NELL1: variants seen among roughly 807,000 people sequenced by gnomAD.
NELL1 encodes protein kinase C-binding protein NELL1.
A neutral mutation model predicts 107.4 loss-of-function variants in NELL1; 76 were observed. The observed-to-expected ratio is 0.71, with a 90% CI of 0.59 to 0.86. NELL1 has a LOEUF of 0.86. Among genes scored for constraint, NELL1 ranks in the 40% least tolerant of loss-of-function variants. NELL1 has a pLI of 0.00. For synonymous variants in NELL1, 353 were observed against 341.2 expected, an observed-to-expected ratio of 1.03 and a Z score of -0.38; for missense variants, 1,024 against 1,005.5, an observed-to-expected ratio of 1.02 and a Z score of -0.25.
chr11:20,789,290 G>A (rs1269453948), intron 3 of NELL1, among the ~76,000 whole-genome samples: 3 of 152,194 alleles, frequency 2.0e-5, no homozygotes, highest in African/African-American at 7.2e-5. Flanking sequence ...AAGGGGTCTG[G>A]CCCCTGCACA....
chr11:21,425,870 G>C (rs1564888049), intron 15 of NELL1, among the ~76,000 whole-genome samples: 1 of 152,126 alleles, frequency 6.6e-6, no homozygotes, highest in Non-Finnish European at 1.5e-5. Context: ...TTCCAAACAA[G>C]GGAGACAATA....
At chr11:20,956,793 A>G (rs1395967556) in intron 11 of NELL1, among the ~76,000 whole-genome samples, 1 of 152,226 alleles carries the variant, frequency 6.6e-6, no homozygotes, top group African/African-American at 2.4e-5. Flanking sequence ...CTGTGAGAAC[A>G]CAGTATGTGA....
intron 15 of NELL1, among the ~76,000 whole-genome samples, chr11:21,377,570 A>G (rs1851509283): frequency 6.6e-6 from 1 of 152,058 alleles, no homozygotes; most frequent in Non-Finnish European, 1.5e-5. Flanking sequence ...AGAATGAGTT[A>G]GGGAAGAGTC....
intron 3 of NELL1, among the ~76,000 whole-genome samples, chr11:20,809,452 A>C (rs1288163250): frequency 6.6e-6 from 1 of 152,202 alleles, no homozygotes; most frequent in Non-Finnish European, 1.5e-5. Flanking sequence ...CAACTATAAA[A>C]TAGAACACCG....
intron 15 of NELL1, among the ~76,000 whole-genome samples, chr11:21,435,718 G>T (rs1853096135): frequency 6.6e-6 from 1 of 151,680 alleles, no homozygotes; most frequent in African/African-American, 2.4e-5. Flanking sequence ...TGCTGGGTTT[G>T]GTTTGCTAGT....
rs116120498 is a variant in NELL1 at position 21,464,166 on chromosome 11, G to A, written c.1646-70208G>A. Among the ~76,000 whole-genome samples, 1,025 of 151,980 alleles carry A rather than the reference G, an allele frequency of 6.7e-3. 16 individuals carry two copies. The highest frequency in any genetic ancestry group is 0.024 in the African/African-American group (975 of 41,460). On this transcript the variant is annotated intron_variant, in intron 15 of 19. Coordinates refer to ENST00000357134, the MANE Select transcript of NELL1 (RefSeq NM_006157.5). ...TACTCACTTCTAACCATATTTAAAC[G>A]GTCAATGTGGTCACAGCCTGCCCAG... is the stretch of plus-strand genomic sequence containing the variant.
At chr11:21,028,263 C>T (rs1416829261) in intron 12 of NELL1, among the ~76,000 whole-genome samples, 1 of 152,058 alleles carries the variant, frequency 6.6e-6, no homozygotes, top group Admixed American at 6.6e-5. Context: ...TATTTTAATG[C>T]TCTCCCGGTG....
intron 12 of NELL1, among the ~76,000 whole-genome samples, chr11:20,994,412 G>C (rs1852044977): frequency 1.3e-5 from 2 of 152,166 alleles, no homozygotes; most frequent in Admixed American, 1.3e-4. Context: ...GCTCACAATA[G>C]CATGCCAATT....
At chr11:20,947,538 C>A in intron 11 of NELL1, 103 bp downstream of exon 11, 2 of 806,970 alleles carry the variant, frequency 2.5e-6, no homozygotes, top group Admixed American at 2.0e-5. Flanking sequence ...GGGTCCAAAA[C>A]TCTGTGCGCT....
chr11:20,854,030 C>T (rs1258559078), intron 4 of NELL1, among the ~76,000 whole-genome samples: 1 of 152,148 alleles, frequency 6.6e-6, no homozygotes, highest in African/African-American at 2.4e-5. Context: ...CCCCACCACT[C>T]ATGAGGCAAA....
At chr11:20,776,546 G>C (rs1856754995) in intron 2 of NELL1, among the ~76,000 whole-genome samples, 2 of 152,018 alleles carry the variant, frequency 1.3e-5, no homozygotes, top group Non-Finnish European at 2.9e-5. Context: ...TCTGACAATT[G>C]TGATAAGTAC....
At chr11:20,801,789 C>T (rs1857285675) in intron 3 of NELL1, among the ~76,000 whole-genome samples, 1 of 152,204 alleles carries the variant, frequency 6.6e-6, no homozygotes, top group East Asian at 1.9e-4. Context: ...TTTCATTCTT[C>T]TGCATCTGCT....
At chr11:21,394,114 A>G (rs990030392) in intron 15 of NELL1, among the ~76,000 whole-genome samples, 5 of 151,624 alleles carry the variant, frequency 3.3e-5, no homozygotes, top group Admixed American at 2.0e-4. Flanking sequence ...GGATGGCTCC[A>G]AGTACTTCAC....
At chr11:20,992,771 A>C (rs182364946) in intron 12 of NELL1, among the ~76,000 whole-genome samples, 1 of 140,888 alleles carries the variant, frequency 7.1e-6, no homozygotes, top group African/African-American at 2.6e-5. Context: ...CTGGAGTGCA[A>C]TGGTGCGATC....
chr11:21,254,895 C>T (rs937740188), intron 14 of NELL1, among the ~76,000 whole-genome samples: 3 of 152,046 alleles, frequency 2.0e-5, no homozygotes, highest in Non-Finnish European at 4.4e-5. Flanking sequence ...GCTGAGCAAG[C>T]CCCACAGCCT....
At chr11:20,943,987 G>C (rs1401691680) in intron 10 of NELL1, among the ~76,000 whole-genome samples, 1 of 152,190 alleles carries the variant, frequency 6.6e-6, no homozygotes, top group Non-Finnish European at 1.5e-5. Context: ...TGTCAGCAGA[G>C]AGTGAGGGTA....
rs577756417 is a variant in NELL1 at position 20,977,485 on chromosome 11, C to T, written c.1300+16925C>T. On this transcript the variant is annotated intron_variant, in intron 12 of 19. Transcript: ENST00000357134. ...TTCACCATGTTAGCCAGGATGGTCTCGATCTCCTGACCTCATGATCCACTC... is the reference window on the plus strand; with the variant it reads ...TTCACCATGTTAGCCAGGATGGTCTTGATCTCCTGACCTCATGATCCACTC... 4.2e-4 allele frequency among the ~76,000 whole-genome samples: 64 copies of T among 152,166 alleles called. 1 individual carries two copies. The highest frequency in any genetic ancestry group is 6.9e-4 in the Non-Finnish European group (47 of 68,012).
At position 21,170,965 on chromosome 11, in the gene NELL1, A is replaced by G. The variant is rs953759187; in HGVS notation, c.1426+57251A>G. On this transcript the variant is annotated intron_variant, in intron 13 of 19. Transcript: ENST00000357134. The stretch of plus-strand genomic sequence containing the variant: ...ATAAATTATTGATTCTGTGATAAAC[A>G]TGGCAAGCTTTGGGCACATAACTGT... Among the ~76,000 whole-genome samples the G allele has an allele frequency of 7.9e-5, 12 of 151,698 alleles. 1 individual carries two copies. Among genetic ancestry groups the G allele is most frequent in the African/African-American group, 2.4e-4 (10 of 41,036 alleles).
At chr11:20,774,314 T>C in intron 2 of NELL1, among the ~76,000 whole-genome samples, 1 of 142,406 alleles carries the variant, frequency 7.0e-6, no homozygotes. Flanking sequence ...CCTCCCTTCC[T>C]CTCCTTTCTT....
Sources: allele counts gnomAD v4.1 joint callset (sites outside exome capture counted in the v4.1 genomes callset), GRCh38; gene constraint gnomAD v4.1.1; transcripts MANE v1.5; gene names NCBI Gene and HGNC (gene_info 2026-07-23, HGNC 2026-07-21).